The following CARMIL1 variants were observed in gnomAD, a reference collection of about 807,000 sequenced individuals.
CARMIL1 encodes the protein capping protein regulator and myosin 1 linker 1.
In CARMIL1, 90 loss-of-function variants were observed where a neutral mutation model predicts 177.1. The observed-to-expected ratio is 0.51, with a 90% confidence interval of 0.43 to 0.61. CARMIL1 has a LOEUF of 0.61. Ranked by LOEUF, CARMIL1 falls within the 20% of genes least tolerant of loss-of-function variation. The pLI is 0.00. For missense variants in CARMIL1, 1,380 were observed against 1,667.0 expected (o/e 0.83, Z 3.00); for synonymous variants, 577 against 606.2 (o/e 0.95, Z 0.71).
intron 1 of CARMIL1, 90 bp from the exon 2 acceptor site, chr6:25,284,722 A>C: frequency 1.4e-6 from 1 of 725,880 alleles, no homozygotes; most frequent in East Asian, 2.8e-5. Flanking sequence ...AGACAACAAC[A>C]GTAAAAACAA....
intron 2 of CARMIL1, among the ~76,000 whole-genome samples, chr6:25,285,182 A>G (rs1781436581): frequency 6.6e-6 from 1 of 152,208 alleles, no homozygotes; most frequent in Admixed American, 6.5e-5. Flanking sequence ...GCCTGTTTTC[A>G]TAATATTCAG....
chr6:25,416,685 A>T (rs1404671519), intron 2 of CARMIL1, among the ~76,000 whole-genome samples: 1 of 152,116 alleles, frequency 6.6e-6, no homozygotes, highest in African/African-American at 2.4e-5. Context: ...GTAAGGTGAG[A>T]GTGGAGAGTT....
chr6:25,301,404 A>G (rs1207450701), intron 2 of CARMIL1, among the ~76,000 whole-genome samples: 3 of 152,128 alleles, frequency 2.0e-5, no homozygotes, highest in Admixed American at 1.3e-4. Context: ...TACTTAAACT[A>G]ATATGTGCAC....
In CARMIL1 at chr6:25,512,155, A is replaced by AGTTTT. The variant is rs1357506341; in HGVS notation, c.1632+1393_1632+1394insGTTTT. 3.9e-5 allele frequency among the ~76,000 whole-genome samples: 6 copies of AGTTTT among 152,312 alleles called. No homozygotes were observed. The East Asian group carries it at 1.2e-3, about 29-fold the overall frequency. On this transcript the variant is annotated intron_variant, in intron 20 of 36. Transcript: ENST00000329474. ...CACCCCAAGATGTTTTTTTCTTAAC[A>AGTTTT]CATACTTTAGGAAAATTTGTATTTT...
At position 25,317,001 on chromosome 6, in the gene CARMIL1, A is replaced by C. The variant is rs1374189193; in HGVS notation, c.138+32092A>C. Among the ~76,000 whole-genome samples, 4 of 152,180 alleles carry C rather than the reference A, an allele frequency of 2.6e-5. No homozygotes were observed. In the East Asian group the frequency reaches 7.7e-4, roughly 29 times the overall value. On this transcript the variant is annotated intron_variant, in intron 2 of 36. Coordinates refer to ENST00000329474, the MANE Select transcript of CARMIL1 (RefSeq NM_017640.6). The stretch of plus-strand genomic sequence containing the variant: ...TTTTTAACTGGGAAGTTGAGCAGAG[A>C]GGGAATGTTTGAAGACTGTTACTAC...
At chr6:25,387,111 C>A (rs1792251198) in intron 2 of CARMIL1, among the ~76,000 whole-genome samples, 1 of 34,188 alleles carries the variant, frequency 2.9e-5, no homozygotes, top group Non-Finnish European at 5.3e-5. Context: ...GAGACTCTGT[C>A]TCCAAAAAAA....
At chr6:25,356,578 G>T (rs140610281) in intron 2 of CARMIL1, among the ~76,000 whole-genome samples, 1 of 152,310 alleles carries the variant, frequency 6.6e-6, no homozygotes, top group East Asian at 1.9e-4. Context: ...TTTAGTACAA[G>T]GTCCCAGCAC....
chr6:25,572,905 T>C (rs986511481), intron 29 of CARMIL1, among the ~76,000 whole-genome samples: 35 of 152,220 alleles, frequency 2.3e-4, no homozygotes, highest in African/African-American at 7.5e-4. Context: ...CCCTTTTTGG[T>C]AACAATGGTT....
At chr6:25,519,029 A>C (rs183430619) in intron 22 of CARMIL1, among the ~76,000 whole-genome samples, 1 of 152,382 alleles carries the variant, frequency 6.6e-6, no homozygotes, top group East Asian at 1.9e-4. Flanking sequence ...ATTTTACATG[A>C]AGCTACTCTA....
At chr6:25,329,066 C>G (rs1785370926) in intron 2 of CARMIL1, among the ~76,000 whole-genome samples, 1 of 152,282 alleles carries the variant, frequency 6.6e-6, no homozygotes, top group Admixed American at 6.5e-5. Context: ...TGATAATGAG[C>G]AACTTAGGCG....
chr6:25,606,056 C>G lies in CARMIL1; in HGVS notation c.3635-5C>G. On this transcript the variant is annotated splice_polypyrimidine_tract_variant and splice_region_variant and intron_variant, in intron 34 of 36. Transcript: ENST00000329474. Reference sequence around the variant, plus strand: ...TGATTTTTAAAGTGGCCTTTTTCATCTTAGTGCCTAAACTGCACCCAGGTC... The same window carrying G: ...TGATTTTTAAAGTGGCCTTTTTCATGTTAGTGCCTAAACTGCACCCAGGTC... 1 of 1,601,088 alleles carries G rather than the reference C, an allele frequency of 6.2e-7. No individual in the cohort carries two copies. Among genetic ancestry groups the G allele is most frequent in the Non-Finnish European group, 8.5e-7 (1 of 1,174,206 alleles).
At position 25,581,283 on chromosome 6, in the gene CARMIL1, A is replaced by T; in HGVS notation, c.2850A>T (p.Pro950=). Residue 950 remains proline (P), a synonymous_variant, in exon 31 of 37, where the codon CCA becomes CCT. Transcript: ENST00000329474. ...FDLDKALEEV[P]IHIEDPPFPS... The stretch of plus-strand genomic sequence containing the variant: ...TAGATAAAGCGCTGGAAGAGGTACC[A>T]ATTCACATCGAAGACCCGCCCTTCC... The T allele has an allele frequency of 6.2e-7, 1 of 1,613,956 alleles. No individual in the cohort carries two copies. Among genetic ancestry groups the T allele is most frequent in the Non-Finnish European group, 8.5e-7 (1 of 1,179,886 alleles).
intron 2 of CARMIL1, among the ~76,000 whole-genome samples, chr6:25,301,146 T>C (rs1217429853): frequency 6.6e-6 from 1 of 152,174 alleles, no homozygotes; most frequent in Non-Finnish European, 1.5e-5. Flanking sequence ...TACGCATCGA[T>C]AGGCTAACCA....
intron 2 of CARMIL1, among the ~76,000 whole-genome samples, chr6:25,336,328 T>A (rs768627726): frequency 3.3e-5 from 5 of 152,164 alleles, no homozygotes; most frequent in Non-Finnish European, 7.3e-5. Flanking sequence ...TCTCCCCATT[T>A]CAGCCATTAG....
At chr6:25,307,002 T>G (rs1783327580) in intron 2 of CARMIL1, among the ~76,000 whole-genome samples, 1 of 151,276 alleles carries the variant, frequency 6.6e-6, no homozygotes, top group Admixed American at 6.6e-5. Flanking sequence ...CCTCAGCCTC[T>G]GGAGTAGCTT....
At chr6:25,461,887 A>G (rs1314991673) in intron 8 of CARMIL1, among the ~76,000 whole-genome samples, 1 of 151,776 alleles carries the variant, frequency 6.6e-6, no homozygotes. Flanking sequence ...TAAACCGTGC[A>G]TCTCTTTTTG....
intron 1 of CARMIL1, among the ~76,000 whole-genome samples, chr6:25,284,536 C>G (rs964932606): frequency 3.9e-5 from 6 of 152,152 alleles, no homozygotes; most frequent in Non-Finnish European, 7.4e-5. Flanking sequence ...ATGGTAAAAC[C>G]CCATCTCTAC....
chr6:25,447,535 A>G (rs1391570125), intron 5 of CARMIL1, among the ~76,000 whole-genome samples: 1 of 152,176 alleles, frequency 6.6e-6, no homozygotes, highest in Non-Finnish European at 1.5e-5. Flanking sequence ...ACTATATTCA[A>G]TACAAGTTAA....
intron 18 of CARMIL1, among the ~76,000 whole-genome samples, chr6:25,510,277 A>G (rs999512786): frequency 6.6e-6 from 1 of 152,140 alleles, no homozygotes; most frequent in East Asian, 1.9e-4. Context: ...CACTGATTGT[A>G]TAAGAGATTT....
Sources: gnomAD v4.1 joint callset for allele counts (sites outside exome capture counted in the v4.1 genomes callset) on GRCh38, gnomAD v4.1.1 for gene constraint, MANE v1.5 for transcripts, NCBI Gene and HGNC (gene_info 2026-07-23, HGNC 2026-07-21) for gene names.